DSG4: variants seen among roughly 807,000 people sequenced by gnomAD.
The protein encoded by DSG4 is desmoglein-4.
A neutral mutation model predicts 93.1 loss-of-function variants in DSG4; 87 were observed. The ratio of observed to expected loss-of-function variants is 0.93; its 90% CI spans 0.79 to 1.12. The LOEUF (loss-of-function observed/expected upper bound fraction) is 1.12, where lower values mean the gene tolerates loss of function less well. Ranked by LOEUF, DSG4 falls within the 50% of genes most tolerant of loss-of-function variation. The pLI, the probability that DSG4 is intolerant of heterozygous loss-of-function variation, is 0.00. For synonymous variants in DSG4, 432 were observed against 452.9 expected (o/e 0.95, Z 0.59); for missense variants, 1,373 against 1,285.7 (o/e 1.07, Z -1.04).
At chr18:31,396,149 G>T (rs1760748404) in intron 8 of DSG4, among the ~76,000 whole-genome samples, 1 of 151,792 alleles carries the variant, frequency 6.6e-6, no homozygotes, top group Non-Finnish European at 1.5e-5. Context: ...ATACATATTT[G>T]ACTTCAACAC....
intron 10 of DSG4, among the ~76,000 whole-genome samples, chr18:31,402,948 C>A (rs2072384551): frequency 6.6e-6 from 1 of 152,110 alleles, no homozygotes; most frequent in African/African-American, 2.4e-5. Context: ...AAGAAAAACA[C>A]AAACAAGTAT....
At chr18:31,386,901 C>T in intron 3 of DSG4, 82 bp downstream of exon 3, 1 of 1,590,642 alleles carries the variant, frequency 6.3e-7, no homozygotes, top group Non-Finnish European at 8.6e-7. Flanking sequence ...GCAGGCTTCA[C>T]TGCTCCACAG....
intron 15 of DSG4, among the ~76,000 whole-genome samples, chr18:31,412,472 TAAC>T (rs2144222280): frequency 6.6e-6 from 1 of 152,282 alleles, no homozygotes; most frequent in South Asian, 2.1e-4. Context: ...TTGCTATAGT[TAAC>T]AATAATTTAT....
intron 8 of DSG4, among the ~76,000 whole-genome samples, chr18:31,393,458 G>A (rs571712487): frequency 1.3e-5 from 2 of 152,284 alleles, no homozygotes; most frequent in African/African-American, 2.4e-5. Context: ...CATTGTGGAA[G>A]GCAAAGGGGG....
chr18:31,404,531 C>A (rs917450521), intron 11 of DSG4, among the ~76,000 whole-genome samples: 1 of 152,090 alleles, frequency 6.6e-6, no homozygotes, highest in African/African-American at 2.4e-5. Context: ...ATGGGCTAGT[C>A]GGTGGCCATC....
chr18:31,405,942 C>T (rs760029772), intron 11 of DSG4, 135 bp from the exon 12 acceptor site: 30 of 790,610 alleles, frequency 3.8e-5, no homozygotes, highest in Non-Finnish European at 5.8e-5. Context: ...AAAAAAAGTA[C>T]AAGGTGCTTT....
chr18:31,406,321 T>C lies in DSG4; in HGVS notation c.1881T>C (p.Gly627=). The C allele has an allele frequency of 6.2e-7, 1 of 1,614,220 alleles. No individual in the cohort carries two copies. The highest frequency in any genetic ancestry group is 8.5e-7 in the Non-Finnish European group (1 of 1,180,046). The change falls in exon 12 of 16, where the codon GGT becomes GGC. Residue 627 remains glycine (G), a synonymous_variant. Transcript: ENST00000308128. ...TEDQAGVSNV[G]LGPAGIGMMV... ...ACCAAGCTGGAGTTTCAAATGTTGG[T>C]CTTGGACCAGCAGGGATTGGCATGA...
rs768068098 is a variant in DSG4 at position 31,413,189 on chromosome 18, T to G, written c.2717T>G (p.Ile906Ser). 1 of 1,614,156 alleles carries G rather than the reference T, an allele frequency of 6.2e-7. No homozygotes were observed. Among genetic ancestry groups the G allele is most frequent in the South Asian group, 1.1e-5 (1 of 91,084 alleles). Residue 906 changes from isoleucine (I) to serine (S), a missense_variant, in exon 16 of 16, where the codon ATT becomes AGT. Transcript: ENST00000308128. ...ASEPVVHGDI[I>S]VTETYGNADP... ...GAACCCGTGGTCCATGGGGATATTATTGTGACTGAGACTTACGGTAATGCT... is the reference window on the plus strand; with the variant it reads ...GAACCCGTGGTCCATGGGGATATTAGTGTGACTGAGACTTACGGTAATGCT...
chr18:31,411,505 A>G, intron 15 of DSG4, 57 bp downstream of exon 15: 1 of 1,581,330 alleles, frequency 6.3e-7, no homozygotes, highest in Non-Finnish European at 8.6e-7. Context: ...TAATAATAGT[A>G]AAATACTCAC....
chr18:31,388,896 C>A lies in DSG4; in HGVS notation c.395C>A (p.Ser132Ter). 6.2e-7 allele frequency: 1 copy of A among 1,613,530 alleles called. No individual in the cohort carries two copies. The highest frequency in any genetic ancestry group is 1.7e-4 in the Middle Eastern group (1 of 6,054). The change falls in exon 5 of 16, where the codon TCA (serine) becomes TAA (stop). Residue 132 changes from serine (S) to a stop codon, truncating the protein, a stop_gained. Transcript: ENST00000308128. LOFTEE classifies it high-confidence loss of function. Reference sequence around the variant, plus strand: ...CAGATCTATTGCCGGGCTCTGAATTCACGGGGTGAAGATTTAGAAAGGCCT... The same window carrying A: ...CAGATCTATTGCCGGGCTCTGAATTAACGGGGTGAAGATTTAGAAAGGCCT... Reference protein sequence around the residue: ...LFLIYCRALNSRGEDLERPLE... With the variant: ...LFLIYCRALN
intron 3 of DSG4, among the ~76,000 whole-genome samples, chr18:31,387,487 T>G (rs1245182176): frequency 6.6e-6 from 1 of 152,154 alleles, no homozygotes; most frequent in Non-Finnish European, 1.5e-5. Context: ...AAAACAGATG[T>G]ATTCTCTCTC....
At chr18:31,394,114 G>A (rs973443193) in intron 8 of DSG4, among the ~76,000 whole-genome samples, 3 of 152,080 alleles carry the variant, frequency 2.0e-5, no homozygotes, top group Admixed American at 6.5e-5. Flanking sequence ...ATTCATTTAC[G>A]TATTTTCTGT....
At chr18:31,400,695 C>A (rs1393774538) in intron 9 of DSG4, among the ~76,000 whole-genome samples, 186 bp from the exon 10 acceptor site, 1 of 151,954 alleles carries the variant, frequency 6.6e-6, no homozygotes, top group African/African-American at 2.4e-5. Flanking sequence ...AACTTGCAGA[C>A]CTGTATATTA....
chr18:31,400,911 G>T lies in DSG4; in HGVS notation c.1308G>T (p.Trp436Cys), dbSNP rs1453411184. The T allele has an allele frequency of 6.2e-7, 1 of 1,612,462 alleles. No homozygotes were observed. The highest frequency in any genetic ancestry group is 8.5e-7 in the Non-Finnish European group (1 of 1,179,084). The change falls in exon 10 of 16, where the codon TGG (tryptophan) becomes TGT (cysteine). Residue 436 changes from tryptophan (W) to cysteine (C), a missense_variant. Physicochemically the swap from Trp to Cys is radical, Grantham distance 215 (BLOSUM62 -2). Transcript: ENST00000308128. Reference sequence around the variant, plus strand: ...TCATAGGGCATGATGCAGGCAGCTGGTTAAAAATTGATTCAAGAACTGGTG... The same window carrying T: ...TCATAGGGCATGATGCAGGCAGCTGTTTAAAAATTGATTCAAGAACTGGTG... Reference protein sequence around the residue: ...RYIIGHDAGSWLKIDSRTGEI... With the variant: ...RYIIGHDAGSCLKIDSRTGEI...
chr18:31,411,864 A>C (rs984122816), intron 15 of DSG4, among the ~76,000 whole-genome samples: 1 of 152,182 alleles, frequency 6.6e-6, no homozygotes, highest in Non-Finnish European at 1.5e-5. Flanking sequence ...GAGAAAATAA[A>C]AAGAATTGGG....
At chr18:31,377,843 A>G (rs1345803152) in intron 1 of DSG4, among the ~76,000 whole-genome samples, 1 of 152,222 alleles carries the variant, frequency 6.6e-6, no homozygotes, top group Non-Finnish European at 1.5e-5. Context: ...CCACACTTCA[A>G]TCTCCCAGGA....
intron 15 of DSG4, among the ~76,000 whole-genome samples, chr18:31,411,835 C>A (rs531312339): frequency 6.6e-6 from 1 of 152,090 alleles, no homozygotes; most frequent in South Asian, 2.1e-4. Context: ...CATGTTCTCC[C>A]GGAGCCTCCA....
At position 31,413,801 on chromosome 18, in the gene DSG4, T is replaced by C; in HGVS notation, c.*206T>C. On this transcript the variant is annotated 3_prime_UTR_variant, in exon 16 of 16. Coordinates refer to ENST00000308128, the MANE Select transcript of DSG4 (RefSeq NM_177986.5). ...GCCTTTTTAAAATTCTTTCTGATTTTAAATAATGCGTCAAAAAATGTGCAG... is the reference window on the plus strand; with the variant it reads ...GCCTTTTTAAAATTCTTTCTGATTTCAAATAATGCGTCAAAAAATGTGCAG... 1.6e-6 allele frequency: 1 copy of C among 626,180 alleles called. No homozygotes were observed. The highest frequency in any genetic ancestry group is 2.6e-6 in the Non-Finnish European group (1 of 377,476). 38.8% of individuals were successfully genotyped at this position (626,180 alleles called of 1,614,324 possible).
At chr18:31,388,191 A>T (rs1598737886) in intron 3 of DSG4, among the ~76,000 whole-genome samples, 176 bp from the exon 4 acceptor site, 1 of 152,242 alleles carries the variant, frequency 6.6e-6, no homozygotes, top group African/African-American at 2.4e-5. Context: ...TCCCCACTGT[A>T]AGCTGATCTG....
Sources: allele counts gnomAD v4.1 joint callset (sites outside exome capture counted in the v4.1 genomes callset), GRCh38; gene constraint gnomAD v4.1.1; transcripts MANE v1.5; gene names NCBI Gene and HGNC (gene_info 2026-07-23, HGNC 2026-07-21).